PLCXD3: variants seen among roughly 807,000 people sequenced by gnomAD.
The protein encoded by PLCXD3 is PI-PLC X domain-containing protein 3.
Under a neutral mutation model 25.5 loss-of-function variants are expected in PLCXD3, and 19 were observed. The ratio of observed to expected loss-of-function variants is 0.75; its 90% CI spans 0.52 to 1.09. The LOEUF is 1.09. Among genes scored for constraint, PLCXD3 ranks in the 50% least tolerant of loss-of-function variants. The probability of loss-of-function intolerance (pLI) is 0.00; values close to 1 mark genes in which losing one functional copy is unlikely to be tolerated. For synonymous variants in PLCXD3, 174 were observed against 137.6 expected (o/e 1.26, Z -1.85); for missense variants, 411 against 388.1 (o/e 1.06, Z -0.50).
intron 1 of PLCXD3, among the ~76,000 whole-genome samples, chr5:41,444,105 G>A (rs1747445550): frequency 6.6e-6 from 1 of 151,894 alleles, no homozygotes; most frequent in Non-Finnish European, 1.5e-5. Context: ...TATAATTGGT[G>A]GCCTTTATTA....
intron 2 of PLCXD3, among the ~76,000 whole-genome samples, chr5:41,321,602 C>T (rs772073851): frequency 2.0e-5 from 3 of 152,068 alleles, no homozygotes; most frequent in Admixed American, 6.5e-5. Context: ...TGTGGAAACA[C>T]AAAAGACCCA....
intron 1 of PLCXD3, among the ~76,000 whole-genome samples, chr5:41,450,535 T>G (rs1416773821): frequency 1.3e-5 from 2 of 152,106 alleles, no homozygotes; most frequent in East Asian, 3.9e-4. Flanking sequence ...AAACTTACAA[T>G]GCTGATAGAA....
intron 1 of PLCXD3, among the ~76,000 whole-genome samples, chr5:41,393,625 A>C (rs1230238330): frequency 2.0e-5 from 3 of 152,140 alleles, no homozygotes; most frequent in Non-Finnish European, 4.4e-5. Context: ...CTGAAGGTAC[A>C]AAACTCACTG....
intron 1 of PLCXD3, among the ~76,000 whole-genome samples, chr5:41,429,405 C>T (rs969922408): frequency 3.3e-5 from 5 of 151,294 alleles, no homozygotes; most frequent in South Asian, 2.1e-4. Context: ...GGAGAGAAGG[C>T]GGAGGAGAGA....
chr5:41,498,576 C>T (rs1222664145), intron 1 of PLCXD3, among the ~76,000 whole-genome samples: 1 of 151,510 alleles, frequency 6.6e-6, no homozygotes, highest in Non-Finnish European at 1.5e-5. Flanking sequence ...AAGGTGAATT[C>T]TATTAGAATT....
At chr5:41,372,296 TCTCA>T (rs1228540486) in intron 2 of PLCXD3, among the ~76,000 whole-genome samples, 225 of 132,792 alleles carry the variant, frequency 1.7e-3, no homozygotes, top group Admixed American at 5.2e-3. Flanking sequence ...TCTCTCTCTC[TCTCA>T]CACACACACA....
intron 1 of PLCXD3, among the ~76,000 whole-genome samples, chr5:41,487,572 A>G (rs573160287): frequency 2.6e-5 from 4 of 152,372 alleles, no homozygotes; most frequent in Admixed American, 2.0e-4. Flanking sequence ...GTAGTTATTC[A>G]TAAGCACTAG....
chr5:41,373,683 C>CTCT (rs150957264), intron 2 of PLCXD3, among the ~76,000 whole-genome samples: 7,091 of 151,938 alleles, frequency 0.047, 202 homozygotes, highest in Non-Finnish European at 0.061. Context: ...CCCCCTTTTC[C>CTCT]TCTTCTTCTT....
chr5:41,384,025 T>C (rs559203440), intron 1 of PLCXD3, among the ~76,000 whole-genome samples: 1 of 152,248 alleles, frequency 6.6e-6, no homozygotes, highest in African/African-American at 2.4e-5. Flanking sequence ...GAAAATAATT[T>C]GTAAAATATT....
At chr5:41,322,971 T>TAAA (rs57326151) in intron 2 of PLCXD3, among the ~76,000 whole-genome samples, 1 of 139,500 alleles carries the variant, frequency 7.2e-6, no homozygotes, top group South Asian at 2.3e-4. Flanking sequence ...AGACTCTGTC[T>TAAA]AAAAAAAAAA....
intron 1 of PLCXD3, among the ~76,000 whole-genome samples, chr5:41,479,187 TA>T (rs1206675776): frequency 6.6e-5 from 10 of 152,140 alleles, no homozygotes; most frequent in Non-Finnish European, 1.5e-5. Context: ...TGATACAGTA[TA>T]AATGAAAGCT....
At position 41,382,146 on chromosome 5, in the gene PLCXD3, G is replaced by A. The variant is rs1745482758; in HGVS notation, c.492C>T (p.Asp164=). 2 of 1,613,726 alleles carry A rather than the reference G, an allele frequency of 1.2e-6. No individual in the cohort carries two copies. The highest frequency in any genetic ancestry group is 1.7e-6 in the Non-Finnish European group (2 of 1,179,780). Residue 164 remains aspartate, a synonymous_variant, in exon 2 of 3, where the codon GAC becomes GAT. Coordinates refer to ENST00000377801, the MANE Select transcript of PLCXD3 (RefSeq NM_001005473.3). ...CTGGGCACATTTTATTTCCATAGAT[G>A]TCTTTCAGCATTTGGACCAGTTTTT... ...HHEKLVQMLK[D]IYGNKMCPAI...
At chr5:41,425,533 T>C (rs1333567535) in intron 1 of PLCXD3, among the ~76,000 whole-genome samples, 1 of 152,202 alleles carries the variant, frequency 6.6e-6, no homozygotes, top group Non-Finnish European at 1.5e-5. Context: ...GTATTATACA[T>C]TCTATGGGTT....
At chr5:41,319,079 T>C (rs1256773904) in intron 2 of PLCXD3, among the ~76,000 whole-genome samples, 1 of 152,204 alleles carries the variant, frequency 6.6e-6, no homozygotes, top group Admixed American at 6.5e-5. Context: ...ATTGTAAATA[T>C]ATATGCAGTC....
chr5:41,345,304 T>C (rs1744267581), intron 2 of PLCXD3, among the ~76,000 whole-genome samples: 1 of 152,208 alleles, frequency 6.6e-6, no homozygotes, highest in African/African-American at 2.4e-5. Flanking sequence ...ATTGGATAGA[T>C]GTGGAAACAA....
At chr5:41,340,620 A>T (rs10462017) in intron 2 of PLCXD3, among the ~76,000 whole-genome samples, 4 of 152,064 alleles carry the variant, frequency 2.6e-5, no homozygotes, top group Admixed American at 2.6e-4. Flanking sequence ...CACCTTTACC[A>T]ACACTGACCC....
At chr5:41,376,135 C>G (rs572161977) in intron 2 of PLCXD3, among the ~76,000 whole-genome samples, 2 of 152,172 alleles carry the variant, frequency 1.3e-5, no homozygotes, top group East Asian at 3.9e-4. Flanking sequence ...ACCTTACACT[C>G]AAGATGATCA....
chr5:41,400,661 G>C (rs1561261365), intron 1 of PLCXD3, among the ~76,000 whole-genome samples: 1 of 152,056 alleles, frequency 6.6e-6, no homozygotes, highest in Non-Finnish European at 1.5e-5. Context: ...CACAGAGATA[G>C]AGAGTAGAAG....
At chr5:41,332,513 A>G (rs1044536561) in intron 2 of PLCXD3, among the ~76,000 whole-genome samples, 6 of 152,188 alleles carry the variant, frequency 3.9e-5, no homozygotes, top group Non-Finnish European at 7.3e-5. Flanking sequence ...AAACTAGTTC[A>G]CCCCTTGTGA....
Sources: allele counts gnomAD v4.1 joint callset (sites outside exome capture counted in the v4.1 genomes callset), GRCh38; gene constraint gnomAD v4.1.1; transcripts MANE v1.5; gene names NCBI Gene and HGNC (gene_info 2026-07-23, HGNC 2026-07-21).